CSGALNACT1: variants seen among roughly 807,000 people sequenced by gnomAD.
CSGALNACT1 encodes chondroitin sulfate N-acetylgalactosaminyltransferase 1.
Under a neutral mutation model 51.0 loss-of-function variants are expected in CSGALNACT1, and 52 were observed. The observed-to-expected ratio is 1.02, with a 90% CI of 0.82 to 1.29. CSGALNACT1 has a LOEUF of 1.29. CSGALNACT1 is among the 50% of genes most tolerant of loss of function. CSGALNACT1 has a pLI of 0.00. For synonymous variants in CSGALNACT1, 341 were observed against 254.4 expected (o/e 1.34, Z -3.24); for missense variants, 935 against 679.2 (o/e 1.38, Z -4.19).
At chr8:19,738,055 T>G (rs2064093428) in intron 1 of CSGALNACT1, among the ~76,000 whole-genome samples, 1 of 152,188 alleles carries the variant, frequency 6.6e-6, no homozygotes, top group Admixed American at 6.5e-5. Context: ...GTTATGTGTA[T>G]TTTGCAACAA....
At chr8:19,716,612 C>CCAAAAAAAAAA (rs1414449293) in intron 1 of CSGALNACT1, among the ~76,000 whole-genome samples, 4 of 41,992 alleles carry the variant, frequency 9.5e-5, no homozygotes, top group Non-Finnish European at 1.3e-4. Context: ...ACCCTCTCTA[C>CCAAAAAAAAAA]AAAAAAAAAA....
Position 19,663,388 on chromosome 8 carries a change from A to G in CSGALNACT1, c.-544+19085T>C, listed in dbSNP as rs192000722. ...CTTCTCGCCAAAATCTAAAAATAAA[A>G]CTTACTGAAAAATCACTCACTACAA... On this transcript the variant is annotated intron_variant, in intron 1 of 9. Coordinates refer to the CSGALNACT1 transcript ENST00000332246. Among the ~76,000 whole-genome samples, 5 of 152,306 alleles carry G rather than the reference A, an allele frequency of 3.3e-5. No individual in the cohort carries two copies. The East Asian group carries it at 9.6e-4, about 29-fold the overall frequency.
At chr8:19,570,183 A>G (rs1246637290) in intron 3 of CSGALNACT1, among the ~76,000 whole-genome samples, 1 of 152,042 alleles carries the variant, frequency 6.6e-6, no homozygotes, top group Non-Finnish European at 1.5e-5. Flanking sequence ...GCTGAACTGT[A>G]TACTTAAGAT....
At chr8:19,628,692 G>A (rs1452799182) in intron 1 of CSGALNACT1, among the ~76,000 whole-genome samples, 1 of 151,756 alleles carries the variant, frequency 6.6e-6, no homozygotes, top group Non-Finnish European at 1.5e-5. Context: ...ATGCTGCCCA[G>A]GCTAGTCCTG....
At chr8:19,724,222 T>C (rs569081173) in intron 1 of CSGALNACT1, among the ~76,000 whole-genome samples, 7 of 152,274 alleles carry the variant, frequency 4.6e-5, no homozygotes, top group South Asian at 4.1e-4. Flanking sequence ...AAGTGTATCA[T>C]CTTAAAATGC....
intron 1 of CSGALNACT1, among the ~76,000 whole-genome samples, chr8:19,611,673 A>AG (rs2052285141): frequency 6.6e-6 from 1 of 152,352 alleles, no homozygotes; most frequent in African/African-American, 2.4e-5. Context: ...CTTCATGAAC[A>AG]GGATCCTGTA....
intron 3 of CSGALNACT1, among the ~76,000 whole-genome samples, chr8:19,545,625 G>C (rs1242151370): frequency 6.6e-6 from 1 of 151,924 alleles, no homozygotes; most frequent in Non-Finnish European, 1.5e-5. Context: ...GTCAATGAAT[G>C]AGTATGCTAA....
At chr8:19,498,228 T>C (rs2075811042) in intron 4 of CSGALNACT1, among the ~76,000 whole-genome samples, 1 of 152,152 alleles carries the variant, frequency 6.6e-6, no homozygotes, top group Admixed American at 6.5e-5. Context: ...AGACCTGGCT[T>C]TCTCCTCCTT....
intron 1 of CSGALNACT1, among the ~76,000 whole-genome samples, chr8:19,707,862 G>A (rs138569210): frequency 1.4e-4 from 21 of 152,240 alleles, no homozygotes; most frequent in Admixed American, 6.5e-4. Flanking sequence ...GTAGCCGGGC[G>A]TGATGGCGCA....
At chr8:19,423,364 A>C (rs1648087763) in intron 6 of CSGALNACT1, among the ~76,000 whole-genome samples, 1 of 152,262 alleles carries the variant, frequency 6.6e-6, no homozygotes, top group African/African-American at 2.4e-5. Flanking sequence ...CGAGTCTACA[A>C]GTGATTGATT....
At chr8:19,429,566 CTT>C (rs146181655) in intron 6 of CSGALNACT1, among the ~76,000 whole-genome samples, 2,210 of 152,314 alleles carry the variant, frequency 0.015, 47 homozygotes, top group African/African-American at 0.051. Context: ...ACTTCATTCT[CTT>C]TATGTCTGAA....
intron 1 of CSGALNACT1, among the ~76,000 whole-genome samples, chr8:19,655,542 C>CTATATGCACACATA (rs145699246): frequency 0.47 from 48,290 of 103,618 alleles, 9,424 homozygotes; most frequent in East Asian, 0.91. Flanking sequence ...ACATATACAT[C>CTATATGCACACATA]TATATGCACA....
At chr8:19,479,829 G>GA (rs1212623661) in intron 4 of CSGALNACT1, among the ~76,000 whole-genome samples, 85 of 6,760 alleles carry the variant, frequency 0.013, 6 homozygotes, top group Non-Finnish European at 0.027. Context: ...AAAGAACTTA[G>GA]AAAAAAAAAA....
chr8:19,479,287 A>C lies in CSGALNACT1; in HGVS notation c.635-20645T>G, dbSNP rs535423720. 3.3e-5 allele frequency among the ~76,000 whole-genome samples: 5 copies of C among 152,324 alleles called. No individual in the cohort carries two copies. In the East Asian group the frequency reaches 9.7e-4, roughly 29 times the overall value. ...AACATCTCAACGGCCACAGCTATAAAGAAACACACTCCATTGTCTTTGGAT... is the reference window on the plus strand; with the variant it reads ...AACATCTCAACGGCCACAGCTATAACGAAACACACTCCATTGTCTTTGGAT... On this transcript the variant is annotated intron_variant, in intron 4 of 9. Coordinates refer to ENST00000454498, the Ensembl canonical transcript of CSGALNACT1.
In CSGALNACT1 at chr8:19,667,019, G is replaced by A. The variant is rs868477146; in HGVS notation, c.-544+15454C>T. Among the ~76,000 whole-genome samples the A allele has an allele frequency of 9.9e-4, 29 of 29,274 alleles. 1 individual carries two copies. The highest frequency in any genetic ancestry group is 6.0e-3 in the African/African-American group (27 of 4,506). 19.2% of individuals were successfully genotyped at this position (29,274 alleles called of 152,430 possible). A position where few individuals can be genotyped will look rare whatever the true frequency, so the allele number is the denominator to read the frequency against. ...AGAAAGAAAGAAAGAAAGAAAGAAA[G>A]GAAGGAAGGAAGGAAGGAAGGAAGA... On this transcript the variant is annotated intron_variant, in intron 1 of 9. Coordinates refer to the CSGALNACT1 transcript ENST00000332246.
chr8:19,708,498 A>C (rs2062313398), intron 1 of CSGALNACT1, among the ~76,000 whole-genome samples: 2 of 152,214 alleles, frequency 1.3e-5, no homozygotes, highest in South Asian at 4.1e-4. Context: ...AAGCCAACCA[A>C]GTGAAATAAA....
At chr8:19,550,459 CT>C (rs1269205800) in intron 3 of CSGALNACT1, among the ~76,000 whole-genome samples, 1 of 152,196 alleles carries the variant, frequency 6.6e-6, no homozygotes, top group African/African-American at 2.4e-5. Context: ...TTTCCAAGCC[CT>C]CTTTCATGGA....
At chr8:19,599,470 GAA>G (rs1410641090) in intron 2 of CSGALNACT1, among the ~76,000 whole-genome samples, 35 of 25,872 alleles carry the variant, frequency 1.4e-3, no homozygotes, top group African/African-American at 3.9e-3. Context: ...AAGAAAGAAA[GAA>G]AAAGAAAGAA....
At chr8:19,688,713 T>C (rs1480005800) in intron 1 of CSGALNACT1, 1 of 152,226 alleles carries the variant, frequency 6.6e-6, no homozygotes. Flanking sequence ...TCTCCCTCTT[T>C]CCTGTCTCAG....
Sources: allele counts gnomAD v4.1 joint callset (sites outside exome capture counted in the v4.1 genomes callset), GRCh38; gene constraint gnomAD v4.1.1; transcripts MANE v1.5; gene names NCBI Gene and HGNC (gene_info 2026-07-23, HGNC 2026-07-21).